Variants in RALYL observed in about 807,000 individuals in gnomAD.
The protein encoded by RALYL is RNA-binding Raly-like protein.
A neutral mutation model predicts 35.1 loss-of-function variants in RALYL; 29 were observed. That is an observed-to-expected ratio of 0.83 (90% CI 0.61 to 1.13). The LOEUF is 1.13. Among genes scored for constraint, RALYL ranks in the 50% most tolerant of loss-of-function variants. The pLI is 0.00. For missense variants in RALYL, 359 were observed against 360.4 expected, an observed-to-expected ratio of 1.00 and a Z score of 0.03; for synonymous variants, 120 against 127.6, an observed-to-expected ratio of 0.94 and a Z score of 0.40.
At chr8:84,436,815 G>T (rs2132839655) in intron 1 of RALYL, among the ~76,000 whole-genome samples, 1 of 149,850 alleles carries the variant, frequency 6.7e-6, no homozygotes, top group South Asian at 2.1e-4. Flanking sequence ...CTCCTATTTT[G>T]TTGTAAGGAC....
At chr8:84,446,556 T>G (rs1292850192) in intron 1 of RALYL, among the ~76,000 whole-genome samples, 1 of 152,102 alleles carries the variant, frequency 6.6e-6, no homozygotes, top group Non-Finnish European at 1.5e-5. Context: ...GTATGTCAAT[T>G]TTATCATCTG....
intron 3 of RALYL, among the ~76,000 whole-genome samples, chr8:84,785,681 A>G (rs1182915052): frequency 6.6e-6 from 1 of 152,160 alleles, no homozygotes; most frequent in African/African-American, 2.4e-5. Context: ...TTGCAGTTTT[A>G]TTTATAATAG....
Position 84,552,338 on chromosome 8 carries a change from G to A in RALYL, c.256+22761G>A, listed in dbSNP as rs544001682. ...GTGTAAACTATAGTAGGATGTGTGT[G>A]TATATATATATATATATATATTTTT... On this transcript the variant is annotated intron_variant, in intron 2 of 8. Transcript: ENST00000521268. Among the ~76,000 whole-genome samples the A allele has an allele frequency of 1.4e-3, 105 of 73,914 alleles. 1 individual carries two copies. Among genetic ancestry groups the A allele is most frequent in the African/African-American group, 6.4e-3 (98 of 15,268 alleles). The allele number at this position is 73,914 out of a possible 152,430, so 48.5% of individuals were successfully genotyped here.
chr8:84,385,877 T>C (rs986348663), intron 1 of RALYL, among the ~76,000 whole-genome samples: 7 of 151,830 alleles, frequency 4.6e-5, no homozygotes, highest in African/African-American at 1.7e-4. Flanking sequence ...CCATGCTTCA[T>C]CTCCAGGATG....
At position 84,882,498 on chromosome 8, in the gene RALYL, T is replaced by C. The variant is rs200913493; in HGVS notation, c.686-5106T>C. On this transcript the variant is annotated intron_variant, in intron 7 of 8. Transcript: ENST00000521268. The stretch of plus-strand genomic sequence containing the variant: ...AGTTTTGTTTCTTTTTAAGTTATCT[T>C]GGATTTATATTTTTGTTACCATGGT... Among the ~76,000 whole-genome samples the C allele has an allele frequency of 2.0e-5, 3 of 152,184 alleles. No individual in the cohort carries two copies. The East Asian group carries it at 5.8e-4, about 29-fold the overall frequency.
rs528555023 is a variant in RALYL at position 84,786,162 on chromosome 8, AT to A, written c.332+11515del. On this transcript the variant is annotated intron_variant, in intron 3 of 8. Transcript: ENST00000521268. ...ATGTCCCTGCAAAGGATATGATCTC[AT>A]TTTTTTATGGCAGCATAGTATTCCA... Among the ~76,000 whole-genome samples the A allele has an allele frequency of 4.8e-3, 731 of 152,204 alleles. 4 individuals carry two copies. The highest frequency in any genetic ancestry group is 0.016 in the African/African-American group (651 of 41,524).
chr8:84,711,230 G>A (rs148914364), intron 2 of RALYL, among the ~76,000 whole-genome samples: 6 of 152,220 alleles, frequency 3.9e-5, no homozygotes, highest in African/African-American at 1.4e-4. Context: ...GATAGAGTAG[G>A]ACAGACAACA....
rs186773671 is a variant in RALYL, at chr8:84,834,470, C to T, written c.366-15510C>T. Among the ~76,000 whole-genome samples the T allele has an allele frequency of 3.7e-4, 57 of 152,230 alleles. No individual in the cohort carries two copies. In the South Asian group the frequency reaches 0.012, roughly 31 times the overall value. On this transcript the variant is annotated intron_variant, in intron 4 of 8. Coordinates refer to ENST00000521268, the MANE Select transcript of RALYL (RefSeq NM_173848.7). ...TGAGTAGGAAACCTCTGCTGAGATG[C>T]CCATGGTTATCACTGGGCCTCTGAT... is the stretch of plus-strand genomic sequence containing the variant.
chr8:84,646,798 G>T (rs1233598399), intron 2 of RALYL, among the ~76,000 whole-genome samples: 1 of 151,872 alleles, frequency 6.6e-6, no homozygotes, highest in Non-Finnish European at 1.5e-5. Context: ...ACTCCCTGCT[G>T]TTGCCACTTC....
intron 1 of RALYL, among the ~76,000 whole-genome samples, chr8:84,442,930 G>A (rs1429167482): frequency 6.6e-6 from 1 of 152,022 alleles, no homozygotes; most frequent in Non-Finnish European, 1.5e-5. Flanking sequence ...TCTCTTATAT[G>A]TGACCTCCTG....
chr8:84,335,709 C>CTTTTTTTTTTTT (rs548185561), intron 1 of RALYL, among the ~76,000 whole-genome samples: 3 of 85,214 alleles, frequency 3.5e-5, no homozygotes, highest in Non-Finnish European at 4.1e-5. Context: ...GTTTTCTTAC[C>CTTTTTTTTTTTT]TTTTTTTTTT....
intron 5 of RALYL, among the ~76,000 whole-genome samples, chr8:84,860,053 T>G (rs780860815): frequency 4.6e-5 from 7 of 152,174 alleles, no homozygotes; most frequent in Non-Finnish European, 8.8e-5. Context: ...CAGCATAAGA[T>G]CAGGCCATGC....
chr8:84,465,481 G>C (rs1465345456), intron 1 of RALYL, among the ~76,000 whole-genome samples: 1 of 62,246 alleles, frequency 1.6e-5, no homozygotes, highest in Non-Finnish European at 3.2e-5. Flanking sequence ...TGAGGGCTCT[G>C]TTCTGTTCCA....
intron 1 of RALYL, among the ~76,000 whole-genome samples, chr8:84,215,742 G>A (rs1820655111): frequency 1.3e-5 from 2 of 151,936 alleles, no homozygotes; most frequent in Admixed American, 1.3e-4. Flanking sequence ...AGTGATTTCT[G>A]GGTCACACTG....
At chr8:84,419,526 C>T (rs1051857876) in intron 1 of RALYL, among the ~76,000 whole-genome samples, 6 of 151,714 alleles carry the variant, frequency 4.0e-5, no homozygotes, top group Non-Finnish European at 7.4e-5. Context: ...ACTGCTACTA[C>T]AAATTTATGG....
At chr8:84,791,912 C>G (rs1266679550) in intron 3 of RALYL, among the ~76,000 whole-genome samples, 1 of 152,210 alleles carries the variant, frequency 6.6e-6, no homozygotes, top group Non-Finnish European at 1.5e-5. Context: ...CTGTTTCCCC[C>G]CCGGCAGGAT....
chr8:84,365,752 C>G (rs776271934), intron 1 of RALYL, among the ~76,000 whole-genome samples: 1 of 152,118 alleles, frequency 6.6e-6, no homozygotes, highest in African/African-American at 2.4e-5. Flanking sequence ...GGGTTTTACT[C>G]AGAAAATGAA....
chr8:84,186,616 T>G (rs1186736440), intron 1 of RALYL, among the ~76,000 whole-genome samples: 1 of 152,140 alleles, frequency 6.6e-6, no homozygotes, highest in Non-Finnish European at 1.5e-5. Context: ...AGCTGTACTG[T>G]GTGATATTTC....
chr8:84,809,673 T>C (rs1825469315), intron 4 of RALYL, among the ~76,000 whole-genome samples: 2 of 152,178 alleles, frequency 1.3e-5, no homozygotes, highest in Admixed American at 6.5e-5. Flanking sequence ...GTTGTTGGTC[T>C]GTTCAGGGTA....
Sources: allele counts gnomAD v4.1 joint callset (sites outside exome capture counted in the v4.1 genomes callset), GRCh38; gene constraint gnomAD v4.1.1; transcripts MANE v1.5; gene names NCBI Gene and HGNC (gene_info 2026-07-23, HGNC 2026-07-21).